Variants in STPG2 observed in about 807,000 individuals in gnomAD.
STPG2 encodes the protein sperm-tail PG-rich repeat-containing protein 2.
In STPG2, 56 loss-of-function variants were observed where a neutral mutation model predicts 54.2. That is an observed-to-expected ratio of 1.03 (90% CI 0.83 to 1.29). STPG2 has a LOEUF of 1.29. STPG2 is among the 50% of genes most tolerant of loss of function. The probability of loss-of-function intolerance (pLI) is 0.00; values close to 1 mark genes in which losing one functional copy is unlikely to be tolerated. For synonymous variants in STPG2, 200 were observed against 181.8 expected (o/e 1.10, Z -0.81); for missense variants, 596 against 544.9 (o/e 1.09, Z -0.93).
intron 10 of STPG2, among the ~76,000 whole-genome samples, chr4:97,573,623 G>A (rs980324986): frequency 5.9e-5 from 9 of 151,882 alleles, no homozygotes; most frequent in Admixed American, 2.0e-4. Context: ...ACTCTTCTAT[G>A]GGGAGAAAAA....
chr4:97,824,601 T>C (rs1728196040), intron 9 of STPG2, among the ~76,000 whole-genome samples: 1 of 152,154 alleles, frequency 6.6e-6, no homozygotes, highest in Non-Finnish European at 1.5e-5. Context: ...AGTTATGTCC[T>C]TGGGAGCTTG....
At chr4:97,523,252 T>C (rs1335797011) in intron 4 of STPG2, among the ~76,000 whole-genome samples, 1 of 151,840 alleles carries the variant, frequency 6.6e-6, no homozygotes, top group Admixed American at 6.6e-5. Flanking sequence ...AGATTTGGAT[T>C]GTAATAGAGT....
rs199951592 is a variant in STPG2 at position 97,502,689 on chromosome 4, G to GA, written c.462+210009dup. On this transcript the variant is annotated intron_variant, in intron 4 of 4. Coordinates refer to the STPG2 transcript ENST00000522676. ...TTAGAAAACTAGAGCAATCCATCTA[G>GA]AAAAAAAAAATAGAGTTGCAAGGCA... is the stretch of plus-strand genomic sequence containing the variant. Among the ~76,000 whole-genome samples the GA allele has an allele frequency of 9.9e-3, 1,449 of 146,264 alleles. 20 individuals are homozygous for GA. The highest frequency in any genetic ancestry group is 0.033 in the African/African-American group (1,314 of 39,952).
chr4:98,024,086 T>C (rs1020641306), intron 5 of STPG2, among the ~76,000 whole-genome samples: 1 of 152,138 alleles, frequency 6.6e-6, no homozygotes, highest in Non-Finnish European at 1.5e-5. Flanking sequence ...ACCTGGTACC[T>C]CAGATGGAAA....
intron 9 of STPG2, among the ~76,000 whole-genome samples, chr4:97,764,451 C>A (rs1725982093): frequency 1.3e-5 from 2 of 151,974 alleles, no homozygotes; most frequent in African/African-American, 4.8e-5. Flanking sequence ...GTGTCTATTA[C>A]TAAGGAAATG....
chr4:98,117,227 A>G (rs1739545797), intron 3 of STPG2, among the ~76,000 whole-genome samples: 1 of 151,996 alleles, frequency 6.6e-6, no homozygotes, highest in Non-Finnish European at 1.5e-5. Context: ...CTTGATTGGC[A>G]GTCTGTTTTT....
At chr4:97,705,195 T>C (rs1371910879) in intron 10 of STPG2, among the ~76,000 whole-genome samples, 1 of 152,154 alleles carries the variant, frequency 6.6e-6, no homozygotes, top group African/African-American at 2.4e-5. Context: ...CAGTGCCTCT[T>C]TGACTTTGCA....
chr4:97,605,201 A>G (rs569860058), intron 10 of STPG2, among the ~76,000 whole-genome samples: 2 of 151,884 alleles, frequency 1.3e-5, no homozygotes, highest in South Asian at 2.1e-4. Flanking sequence ...TTTAGCTTTT[A>G]CAAGCATAGG....
chr4:97,744,181 C>T (rs557686568), intron 9 of STPG2, among the ~76,000 whole-genome samples: 4 of 151,340 alleles, frequency 2.6e-5, no homozygotes, highest in African/African-American at 7.3e-5. Context: ...ACAATGGTTT[C>T]CCAGATGACA....
chr4:97,706,809 C>A (rs1723957757), intron 10 of STPG2, among the ~76,000 whole-genome samples: 1 of 151,948 alleles, frequency 6.6e-6, no homozygotes, highest in African/African-American at 2.4e-5. Flanking sequence ...GAAAGCCTTA[C>A]AAGTGTCAAA....
chr4:97,898,175 G>A (rs1731033591), intron 8 of STPG2, among the ~76,000 whole-genome samples: 1 of 152,070 alleles, frequency 6.6e-6, no homozygotes, highest in Non-Finnish European at 1.5e-5. Context: ...TGTCTCCATT[G>A]CTTGATTTTG....
At position 97,971,835 on chromosome 4, in the gene STPG2, A is replaced by T. The variant is rs987103487; in HGVS notation, c.933+445T>A. Among the ~76,000 whole-genome samples the T allele has an allele frequency of 2.6e-5, 4 of 151,174 alleles. No individual in the cohort carries two copies. The East Asian group carries it at 7.8e-4, about 29-fold the overall frequency. On this transcript the variant is annotated intron_variant, in intron 7 of 10. Transcript: ENST00000295268. ...ACAAAATAAAATAAAATCATAATTTAAAAAAATAGAATCCCGTATGTCACA... is the reference window on the plus strand; with the variant it reads ...ACAAAATAAAATAAAATCATAATTTTAAAAAATAGAATCCCGTATGTCACA...
intron 4 of STPG2, among the ~76,000 whole-genome samples, chr4:97,443,928 G>C (rs1257896672): frequency 6.6e-6 from 1 of 152,084 alleles, no homozygotes; most frequent in Non-Finnish European, 1.5e-5. Flanking sequence ...AGAATAAAAT[G>C]CTTAACAAAA....
intron 7 of STPG2, among the ~76,000 whole-genome samples, chr4:97,967,458 A>G (rs1363743315): frequency 6.6e-6 from 1 of 152,160 alleles, no homozygotes; most frequent in South Asian, 2.1e-4. Context: ...ATGAGACAGA[A>G]GGTTAACAAG....
intron 8 of STPG2, among the ~76,000 whole-genome samples, chr4:97,870,274 TATAACAAAATATTATGAC>T (rs1279772817): frequency 2.6e-5 from 4 of 151,504 alleles, no homozygotes; most frequent in Non-Finnish European, 1.5e-5. Context: ...GAAAATGTGA[TATAACAAAATATTATGAC>T]AGAATAGAAA....
intron 4 of STPG2, among the ~76,000 whole-genome samples, chr4:97,453,253 C>T (rs760811814): frequency 1.3e-5 from 2 of 152,212 alleles, no homozygotes; most frequent in East Asian, 1.9e-4. Flanking sequence ...GCTGCAGCCT[C>T]GCAGAGAGCT....
chr4:98,140,398 G>T (rs1422199807), intron 1 of STPG2, among the ~76,000 whole-genome samples: 1 of 151,894 alleles, frequency 6.6e-6, no homozygotes, highest in African/African-American at 2.4e-5. Flanking sequence ...GATCACTCTT[G>T]CCACAAGATA....
chr4:97,923,179 G>A (rs867186789), intron 8 of STPG2, among the ~76,000 whole-genome samples: 24 of 152,252 alleles, frequency 1.6e-4, no homozygotes, highest in African/African-American at 4.1e-4. Context: ...TCAGCCTGCC[G>A]CTGCACTGTG....
chr4:97,737,722 T>C (rs940012306), intron 9 of STPG2, among the ~76,000 whole-genome samples: 2 of 152,128 alleles, frequency 1.3e-5, no homozygotes, highest in African/African-American at 4.8e-5. Flanking sequence ...GAAAAGACCA[T>C]ATCTACGTCT....
Sources: allele counts gnomAD v4.1 joint callset (sites outside exome capture counted in the v4.1 genomes callset), GRCh38; gene constraint gnomAD v4.1.1; transcripts MANE v1.5; gene names NCBI Gene and HGNC (gene_info 2026-07-23, HGNC 2026-07-21).